TSNAXIP1: variants seen among roughly 807,000 people sequenced by gnomAD.
The protein encoded by TSNAXIP1 is translin-associated factor X-interacting protein 1.
A neutral mutation model predicts 84.8 loss-of-function variants in TSNAXIP1; 89 were observed. The ratio of observed to expected loss-of-function variants is 1.05; its 90% confidence interval spans 0.88 to 1.25. The LOEUF is 1.25. Ranked by LOEUF, TSNAXIP1 falls within the 50% of genes most tolerant of loss-of-function variation. TSNAXIP1 has a pLI of 0.00. For missense variants in TSNAXIP1, 874 were observed against 887.6 expected, an observed-to-expected ratio of 0.98 and a Z score of 0.20; for synonymous variants, 347 against 335.2, an observed-to-expected ratio of 1.04 and a Z score of -0.39.
chr16:67,824,507 C>T (rs2057297913), intron 5 of TSNAXIP1, 76 bp from the exon 6 acceptor site: 4 of 1,440,574 alleles, frequency 2.8e-6, no homozygotes, highest in Middle Eastern at 2.5e-4. Flanking sequence ...TAGCCACTCA[C>T]CCATGACCTT....
chr16:67,819,275 C>T (rs534277213), intron 2 of TSNAXIP1, among the ~76,000 whole-genome samples: 1 of 146,044 alleles, frequency 6.8e-6, no homozygotes, highest in Non-Finnish European at 1.5e-5. Context: ...TGGAGTTTCA[C>T]TCTTGTCCCC....
rs1422578213 is a variant in TSNAXIP1 at position 67,826,965 on chromosome 16, G to C, written c.1557G>C (p.Arg519=). 1.9e-6 allele frequency: 3 copies of C among 1,614,016 alleles called. No individual in the cohort carries two copies. The highest frequency in any genetic ancestry group is 2.7e-5 in the African/African-American group (2 of 74,918). Residue 519 remains arginine, a splice_region_variant and synonymous_variant, in exon 13 of 16, where the codon CGG becomes CGC. Coordinates refer to ENST00000561639, the MANE Select transcript of TSNAXIP1 (RefSeq NM_001288990.3). The part of the protein sequence containing the change: ...SQFYAVLMGK[R]SENVYVTQKE... ...GAATAATGCTTCTCTCCTTATAGCG[G>C]AGTGAGAATGTGTATGTCACCCAGA...
At chr16:67,820,770 A>C in intron 2 of TSNAXIP1, 69 bp from the exon 3 acceptor site, 3 of 1,156,892 alleles carry the variant, frequency 2.6e-6, no homozygotes, top group Non-Finnish European at 3.6e-6. Flanking sequence ...CTGGGGGAGG[A>C]GAGATGGAGA....
chr16:67,807,476 T>C, intron 1 of TSNAXIP1: 1 of 1,157,680 alleles, frequency 8.6e-7, no homozygotes, highest in Non-Finnish European at 1.1e-6. Context: ...TTAAATATTT[T>C]ATTTTTGAGA....
intron 2 of TSNAXIP1, 25 bp downstream of exon 2, chr16:67,814,426 C>G: frequency 6.6e-7 from 1 of 1,520,140 alleles, no homozygotes; most frequent in Non-Finnish European, 8.8e-7. Flanking sequence ...TGTTTTGGAA[C>G]CCCAAATGTC....
At chr16:67,808,546 C>A (rs1378789771) in intron 1 of TSNAXIP1, among the ~76,000 whole-genome samples, 1 of 151,642 alleles carries the variant, frequency 6.6e-6, no homozygotes, top group Non-Finnish European at 1.5e-5. Context: ...TGCACTCCAG[C>A]CTGGGCAACA....
intron 1 of TSNAXIP1, among the ~76,000 whole-genome samples, chr16:67,813,002 C>A (rs1283922192): frequency 3.3e-5 from 5 of 151,860 alleles, no homozygotes; most frequent in Non-Finnish European, 5.9e-5. Flanking sequence ...CTCACTGCAA[C>A]CTCCGCCTCC....
intron 1 of TSNAXIP1, chr16:67,807,646 T>A: frequency 3.8e-6 from 1 of 259,822 alleles, no homozygotes; most frequent in Non-Finnish European, 7.7e-6. Flanking sequence ...TGGGTGTTTC[T>A]TTGTTCGTTT....
In TSNAXIP1 at chr16:67,825,226, T is replaced by C; in HGVS notation, c.768T>C (p.Asn256=). The change falls in exon 7 of 16, where the codon AAT becomes AAC. Residue 256 remains asparagine, a synonymous_variant. Transcript: ENST00000561639. ...GTAAGATCCTCATCGCAGACCTGAA[T>C]GAGCTGCGGTACCAGCGGGAGGACA... ...DACKILIADL[N]ELRYQREDMS... 6.2e-7 allele frequency: 1 copy of C among 1,613,248 alleles called. No homozygotes were observed. The highest frequency in any genetic ancestry group is 8.5e-7 in the Non-Finnish European group (1 of 1,179,182).
chr16:67,810,511 T>TG (rs1217695187), intron 1 of TSNAXIP1, among the ~76,000 whole-genome samples: 3 of 151,292 alleles, frequency 2.0e-5, no homozygotes, highest in Non-Finnish European at 4.4e-5. Flanking sequence ...CCCAGCTACT[T>TG]GGGAGGCAGA....
rs766790306 is a variant in TSNAXIP1, at chr16:67,825,243, G to A, written c.785G>A (p.Arg262Gln). 1.8e-5 allele frequency: 29 copies of A among 1,614,024 alleles called. No individual in the cohort carries two copies. The highest frequency in any genetic ancestry group is 7.7e-5 in the South Asian group (7 of 91,084). The change falls in exon 7 of 16, where the codon CGG becomes CAG. Residue 262 changes from arginine to glutamine, a missense_variant. By Grantham distance (43) the Arg-to-Gln change is conservative. Transcript: ENST00000561639. ...IADLNELRYQ[R>Q]EDMSLAQSPG... ...GACCTGAATGAGCTGCGGTACCAGC[G>A]GGAGGACATGTCATTAGCCCAGTCG...
intron 11 of TSNAXIP1, 51 bp from the exon 12 acceptor site, chr16:67,826,641 G>A (rs762498229): frequency 1.2e-6 from 2 of 1,611,258 alleles, no homozygotes; most frequent in East Asian, 2.2e-5. Context: ...TGACAGGGAT[G>A]AGGGCCAACC....
At chr16:67,808,066 A>G (rs1469386637) in intron 1 of TSNAXIP1, among the ~76,000 whole-genome samples, 2 of 152,206 alleles carry the variant, frequency 1.3e-5, no homozygotes, top group African/African-American at 4.8e-5. Context: ...AAACATGGGA[A>G]TGATACAGCC....
rs527597953 is a variant in TSNAXIP1 at position 67,826,682 on chromosome 16, G to A, written c.1402-10G>A. On this transcript the variant is annotated splice_polypyrimidine_tract_variant and intron_variant, in intron 11 of 15. Coordinates refer to ENST00000561639, the MANE Select transcript of TSNAXIP1 (RefSeq NM_001288990.3). ...TAAGACTCTGACTGAGCATTTCCTC[G>A]ATCCCGCAGAAAGAGACGTTCCCAG... 15 of 1,612,648 alleles carry A rather than the reference G, an allele frequency of 9.3e-6. No individual in the cohort carries two copies. The highest frequency in any genetic ancestry group is 2.7e-5 in the African/African-American group (2 of 74,946).
intron 5 of TSNAXIP1, 76 bp downstream of exon 5, chr16:67,823,795 T>A (rs1198646464): frequency 7.9e-7 from 1 of 1,268,424 alleles, no homozygotes; most frequent in African/African-American, 1.5e-5. Flanking sequence ...AGGCGGTAGA[T>A]CACTTGAGGT....
chr16:67,820,788 T>G, intron 2 of TSNAXIP1, 51 bp from the exon 3 acceptor site: 1 of 1,343,152 alleles, frequency 7.4e-7, no homozygotes, highest in South Asian at 1.5e-5. Flanking sequence ...AGAGAAACAT[T>G]AGGAAGGGGA....
chr16:67,814,472 C>T lies in TSNAXIP1; in HGVS notation c.147+71C>T, dbSNP rs1395052590. On this transcript the variant is annotated intron_variant, in intron 2 of 15. Transcript: ENST00000561639. ...CCCTATCCGTCTCCCTTCCTGCAAC[C>T]CAAGAGTACCACCCACCTGAAACAT... The T allele has an allele frequency of 2.0e-5, 25 of 1,237,228 alleles. No individual in the cohort carries two copies. The Admixed American group carries it at 4.9e-4, about 24-fold the overall frequency. The allele number at this position is 1,237,228 out of a possible 1,614,324, so 76.6% of individuals were successfully genotyped here. A position where few individuals can be genotyped will look rare whatever the true frequency, so the allele number is the denominator to read the frequency against.
At chr16:67,809,012 C>T (rs1035966623) in intron 1 of TSNAXIP1, among the ~76,000 whole-genome samples, 1 of 147,190 alleles carries the variant, frequency 6.8e-6, no homozygotes, top group African/African-American at 2.5e-5. Flanking sequence ...CATAGTAAGA[C>T]CCTGTCCCTA....
intron 4 of TSNAXIP1, 83 bp from the exon 5 acceptor site, chr16:67,823,543 A>G: frequency 8.8e-7 from 1 of 1,141,694 alleles, no homozygotes; most frequent in Non-Finnish European, 1.3e-6. Context: ...ACTCCGTCTC[A>G]GGAAAAAAGA....
Sources: allele counts gnomAD v4.1 joint callset (sites outside exome capture counted in the v4.1 genomes callset), GRCh38; gene constraint gnomAD v4.1.1; transcripts MANE v1.5; gene names NCBI Gene and HGNC (gene_info 2026-07-23, HGNC 2026-07-21).